GRID2: variants seen among roughly 807,000 people sequenced by gnomAD.
The protein encoded by GRID2 is glutamate receptor ionotropic, delta-2.
GRID2 carries 33 observed loss-of-function variants against 114.8 expected under a neutral mutation model. The ratio of observed to expected loss-of-function variants is 0.29; its 90% CI spans 0.22 to 0.38. GRID2 has a LOEUF of 0.38. Ranked by LOEUF, GRID2 falls within the 10% of genes least tolerant of loss-of-function variation. The probability of loss-of-function intolerance (pLI) is 1.00; values close to 1 mark genes in which losing one functional copy is unlikely to be tolerated. For missense variants in GRID2, 1,184 were observed against 1,257.7 expected, an observed-to-expected ratio of 0.94 and a Z score of 0.89; for synonymous variants, 505 against 449.9, an observed-to-expected ratio of 1.12 and a Z score of -1.55.
chr4:93,770,215 G>A (rs1194065913), intron 15 of GRID2, among the ~76,000 whole-genome samples: 1 of 152,182 alleles, frequency 6.6e-6, no homozygotes, highest in Non-Finnish European at 1.5e-5. Context: ...CTAAAGGGGT[G>A]AAAATGTTTT....
intron 2 of GRID2, among the ~76,000 whole-genome samples, chr4:92,887,105 G>A (rs1746427928): frequency 1.3e-5 from 2 of 152,132 alleles, no homozygotes; most frequent in Non-Finnish European, 2.9e-5. Context: ...TTAATATGGT[G>A]TTTTGTTTTT....
At chr4:92,719,821 C>A (rs1188001541) in intron 2 of GRID2, among the ~76,000 whole-genome samples, 1 of 152,126 alleles carries the variant, frequency 6.6e-6, no homozygotes. Flanking sequence ...AGAGAACTTT[C>A]AGTCTTTTGA....
chr4:93,806,514 T>TTTGA (rs948554362), intron 1 of GRID2, among the ~76,000 whole-genome samples: 2 of 152,330 alleles, frequency 1.3e-5, no homozygotes, highest in African/African-American at 4.8e-5. Context: ...TGCTCTGGTT[T>TTTGA]TTGACAGTTG....
intron 2 of GRID2, among the ~76,000 whole-genome samples, chr4:92,686,945 T>C (rs1425983147): frequency 6.6e-6 from 1 of 152,162 alleles, no homozygotes; most frequent in Non-Finnish European, 1.5e-5. Context: ...AGCTAGGTTT[T>C]AAATTATTTG....
At chr4:93,624,660 T>A (rs1344500619) in intron 13 of GRID2, among the ~76,000 whole-genome samples, 1 of 151,568 alleles carries the variant, frequency 6.6e-6, no homozygotes, top group Non-Finnish European at 1.5e-5. Flanking sequence ...CAATGTTGCT[T>A]TTCCTTGTTT....
intron 2 of GRID2, among the ~76,000 whole-genome samples, chr4:92,749,771 G>A (rs1407601812): frequency 6.6e-6 from 1 of 152,116 alleles, no homozygotes; most frequent in East Asian, 1.9e-4. Context: ...AAACATACAG[G>A]TAGATGGAAG....
chr4:92,781,054 A>T (rs1413562348), intron 2 of GRID2, among the ~76,000 whole-genome samples: 1 of 151,892 alleles, frequency 6.6e-6, no homozygotes, highest in Non-Finnish European at 1.5e-5. Context: ...AGACCAGCTT[A>T]ACCAAAATGG....
At chr4:92,674,875 G>C (rs78695533) in intron 2 of GRID2, among the ~76,000 whole-genome samples, 7,889 of 152,188 alleles carry the variant, frequency 0.052, 229 homozygotes, top group East Asian at 0.1. Context: ...TGTAATAGCT[G>C]TTTTATTGAT....
At chr4:92,576,314 A>G (rs189258721) in intron 1 of GRID2, among the ~76,000 whole-genome samples, 3 of 152,168 alleles carry the variant, frequency 2.0e-5, no homozygotes, top group African/African-American at 7.2e-5. Context: ...AAAACCCACA[A>G]GCTGGAATAG....
chr4:92,891,265 GA>G lies in GRID2; in HGVS notation c.245-193722del, dbSNP rs199651458. ...ATATATCCCAGAACTCAAACTATAA[GA>G]AAAAAAAGCAGAAGCAATTAATAGT... On this transcript the variant is annotated intron_variant, in intron 2 of 15. Coordinates refer to ENST00000282020, the MANE Select transcript of GRID2 (RefSeq NM_001510.4). Among the ~76,000 whole-genome samples, 348 of 151,608 alleles carry G rather than the reference GA, an allele frequency of 2.3e-3. 4 individuals carry two copies. In the East Asian group the frequency reaches 0.052, roughly 23 times the overall value.
chr4:92,684,638 G>A (rs1352046013), intron 2 of GRID2, among the ~76,000 whole-genome samples: 1 of 151,968 alleles, frequency 6.6e-6, no homozygotes, highest in Non-Finnish European at 1.5e-5. Flanking sequence ...CATGAACAGA[G>A]TTAAAATTAT....
chr4:92,670,282 T>A (rs1579808794), intron 2 of GRID2, among the ~76,000 whole-genome samples: 1 of 152,060 alleles, frequency 6.6e-6, no homozygotes, highest in East Asian at 1.9e-4. Flanking sequence ...TATTATGTTG[T>A]CATTAGGTAG....
intron 9 of GRID2, among the ~76,000 whole-genome samples, chr4:93,416,383 T>C (rs1452923870): frequency 6.6e-6 from 1 of 152,104 alleles, no homozygotes; most frequent in East Asian, 1.9e-4. Context: ...ATTGTTTGCT[T>C]CAGCCAGGAG....
intron 2 of GRID2, among the ~76,000 whole-genome samples, chr4:92,884,508 C>A (rs1359502606): frequency 6.6e-6 from 1 of 152,194 alleles, no homozygotes; most frequent in Non-Finnish European, 1.5e-5. Context: ...TCTTGGCATT[C>A]AGCATGCCTT....
intron 2 of GRID2, among the ~76,000 whole-genome samples, chr4:92,799,793 C>T (rs906876402): frequency 6.6e-6 from 1 of 151,930 alleles, no homozygotes; most frequent in African/African-American, 2.4e-5. Flanking sequence ...CACAATCCTG[C>T]CCATAACAGT....
At chr4:92,567,538 T>A (rs190008994) in intron 1 of GRID2, among the ~76,000 whole-genome samples, 1 of 152,018 alleles carries the variant, frequency 6.6e-6, no homozygotes, top group African/African-American at 2.4e-5. Context: ...ATAAATCTAA[T>A]TGCATTTAGA....
chr4:93,426,293 C>T (rs193080579), intron 10 of GRID2, among the ~76,000 whole-genome samples: 7 of 152,254 alleles, frequency 4.6e-5, no homozygotes, highest in African/African-American at 1.4e-4. Context: ...GCCCCTTCAT[C>T]TTCTATTCTT....
intron 10 of GRID2, among the ~76,000 whole-genome samples, chr4:93,443,886 C>G (rs1054273194): frequency 6.6e-6 from 1 of 151,052 alleles, no homozygotes; most frequent in African/African-American, 2.4e-5. Context: ...AAAGAACAAG[C>G]AGAGCAAGTA....
chr4:92,454,931 A>G (rs1481137789), intron 1 of GRID2, among the ~76,000 whole-genome samples: 4 of 152,226 alleles, frequency 2.6e-5, no homozygotes, highest in South Asian at 2.1e-4. Context: ...AGATAAAACC[A>G]AACTAGAGTA....
Sources: allele counts gnomAD v4.1 joint callset (sites outside exome capture counted in the v4.1 genomes callset), GRCh38; gene constraint gnomAD v4.1.1; transcripts MANE v1.5; gene names NCBI Gene and HGNC (gene_info 2026-07-23, HGNC 2026-07-21).